Variants in KCNK1 observed in about 807,000 individuals in gnomAD.
KCNK1 encodes the protein potassium channel subfamily K member 1.
A neutral mutation model predicts 22.2 loss-of-function variants in KCNK1; 10 were observed. The ratio of observed to expected loss-of-function variants is 0.45; its 90% CI spans 0.28 to 0.76. The LOEUF is 0.76. Ranked by LOEUF, KCNK1 falls within the 30% of genes least tolerant of loss-of-function variation. The probability of loss-of-function intolerance (pLI) is 0.14; values close to 1 mark genes in which losing one functional copy is unlikely to be tolerated. For missense variants in KCNK1, 378 were observed against 421.0 expected, an observed-to-expected ratio of 0.90 and a Z score of 0.89; for synonymous variants, 200 against 186.4, an observed-to-expected ratio of 1.07 and a Z score of -0.60.
At chr1:233,619,323 C>T (rs1657537930) in intron 1 of KCNK1, among the ~76,000 whole-genome samples, 1 of 152,100 alleles carries the variant, frequency 6.6e-6, no homozygotes, top group Admixed American at 6.5e-5. Context: ...TGCCTGGCCC[C>T]TGTTCCTGCC....
intron 1 of KCNK1, chr1:233,660,557 C>T (rs1658371962): frequency 6.6e-6 from 1 of 152,198 alleles, no homozygotes; most frequent in Non-Finnish European, 1.5e-5. Context: ...ATATGAAAGG[C>T]ATGTAGGTTA....
intron 1 of KCNK1, among the ~76,000 whole-genome samples, chr1:233,644,733 A>G (rs1658062005): frequency 6.6e-6 from 1 of 152,162 alleles, no homozygotes; most frequent in Admixed American, 6.5e-5. Flanking sequence ...AAGAGTAGAC[A>G]GAAGGCCCTT....
At chr1:233,652,066 T>G (rs1275190465) in intron 1 of KCNK1, among the ~76,000 whole-genome samples, 1 of 152,088 alleles carries the variant, frequency 6.6e-6, no homozygotes, top group Non-Finnish European at 1.5e-5. Context: ...CACCATGAGT[T>G]AAAAGCAAAC....
chr1:233,663,266 G>A (rs1044391494), intron 1 of KCNK1, among the ~76,000 whole-genome samples: 3 of 152,170 alleles, frequency 2.0e-5, no homozygotes, highest in Admixed American at 6.5e-5. Flanking sequence ...AAGGATCTGC[G>A]TGGTGGTGAT....
At chr1:233,661,103 G>A (rs1658384580) in intron 1 of KCNK1, among the ~76,000 whole-genome samples, 1 of 152,184 alleles carries the variant, frequency 6.6e-6, no homozygotes, top group South Asian at 2.1e-4. Context: ...AGGTGTGGCT[G>A]TTTTTATTGA....
chr1:233,628,511 G>A (rs1449190645), intron 1 of KCNK1, among the ~76,000 whole-genome samples: 1 of 152,168 alleles, frequency 6.6e-6, no homozygotes, highest in Non-Finnish European at 1.5e-5. Flanking sequence ...TGGAATCCCA[G>A]TACTTTGGGA....
At chr1:233,669,451 T>C (rs996216314) in intron 2 of KCNK1, among the ~76,000 whole-genome samples, 2 of 152,214 alleles carry the variant, frequency 1.3e-5, no homozygotes, top group South Asian at 2.1e-4. Context: ...ATCTAACAAA[T>C]GAATATTCCA....
rs762047651 is a variant in KCNK1, at chr1:233,614,177, G to T, written c.6G>T (p.Leu2=). The part of the protein sequence containing the change: M[L]QSLAGSSCVR... ...TGGCGGCGGCGGTGGAGAAGATGCT[G>T]CAGTCCCTGGCCGGCAGCTCGTGCG... The change falls in exon 1 of 3, where the codon CTG becomes CTT. Residue 2 remains leucine (L), a synonymous_variant. Coordinates refer to ENST00000366621, the MANE Select transcript of KCNK1 (RefSeq NM_002245.4). 1 of 1,600,596 alleles carries T rather than the reference G, an allele frequency of 6.2e-7. No individual in the cohort carries two copies. The highest frequency in any genetic ancestry group is 1.1e-5 in the South Asian group (1 of 90,248).
intron 1 of KCNK1, among the ~76,000 whole-genome samples, chr1:233,648,176 T>G (rs963873892): frequency 6.6e-6 from 1 of 152,244 alleles, no homozygotes; most frequent in African/African-American, 2.4e-5. Flanking sequence ...TAAGATATAC[T>G]TGTAGTACTG....
Position 233,671,336 on chromosome 1 carries a change from C to G in KCNK1, c.817C>G (p.Leu273Val). The change falls in exon 3 of 3, where the codon CTG (leucine) becomes GTG (valine). Residue 273 changes from leucine (L) to valine (V), a missense_variant. Leu to Val is a conservative substitution (Grantham distance 32). Coordinates refer to ENST00000366621, the MANE Select transcript of KCNK1 (RefSeq NM_002245.4). The stretch of plus-strand genomic sequence containing the variant: ...GGAAACCTTCTGTGAACTCCATGAG[C>G]TGAAAAAATTCAGAAAAATGTTCTA... ...VLETFCELHE[L>V]KKFRKMFYVK... 1.2e-6 allele frequency: 2 copies of G among 1,614,090 alleles called. No individual in the cohort carries two copies. The highest frequency in any genetic ancestry group is 1.7e-6 in the Non-Finnish European group (2 of 1,179,994).
chr1:233,626,472 A>T (rs112547669), intron 1 of KCNK1, among the ~76,000 whole-genome samples: 1,527 of 152,254 alleles, frequency 0.01, 9 homozygotes, highest in Non-Finnish European at 0.016. Context: ...CTCGGAGTGT[A>T]GGTGACAGTG....
intron 1 of KCNK1, among the ~76,000 whole-genome samples, chr1:233,644,218 A>G (rs967740489): frequency 6.6e-6 from 1 of 152,176 alleles, no homozygotes; most frequent in African/African-American, 2.4e-5. Context: ...GCTTTAACCT[A>G]TTAATGAGGA....
intron 1 of KCNK1, chr1:233,631,440 A>G (rs142799008): frequency 3.6e-5 from 14 of 389,916 alleles, no homozygotes; most frequent in Admixed American, 1.7e-4. Flanking sequence ...CAAAAGCAGA[A>G]AATGTTCATT....
In KCNK1 at chr1:233,617,439, A is replaced by G. The variant is rs114525498; in HGVS notation, c.355+2913A>G. 5.6e-3 allele frequency among the ~76,000 whole-genome samples: 848 copies of G among 152,354 alleles called. 5 individuals are homozygous for G. Among genetic ancestry groups the G allele is most frequent in the Non-Finnish European group, 8.5e-3 (577 of 68,024 alleles). On this transcript the variant is annotated intron_variant, in intron 1 of 2. Coordinates refer to ENST00000366621, the MANE Select transcript of KCNK1 (RefSeq NM_002245.4). ...AAAGAAAAGATTTCTCACCCATCAT[A>G]AGGTTCATGGCCGGGGAACTTATAA... is the stretch of plus-strand genomic sequence containing the variant.
At chr1:233,648,513 ACT>A (rs1658142331) in intron 1 of KCNK1, among the ~76,000 whole-genome samples, 1 of 149,056 alleles carries the variant, frequency 6.7e-6, no homozygotes, top group Admixed American at 6.7e-5. Flanking sequence ...ATGGTCCCAA[ACT>A]CTCCGTGGGT....
chr1:233,648,280 T>C (rs1236003573), intron 1 of KCNK1, among the ~76,000 whole-genome samples: 1 of 152,180 alleles, frequency 6.6e-6, no homozygotes, highest in Non-Finnish European at 1.5e-5. Context: ...TGTCCATATT[T>C]CCAAGCCGCA....
intron 1 of KCNK1, among the ~76,000 whole-genome samples, chr1:233,664,854 A>G (rs116507522): frequency 0.024 from 3,633 of 152,350 alleles, 60 homozygotes; most frequent in Middle Eastern, 0.041. Context: ...CTACTTTTCA[A>G]TTATAATCAC....
At chr1:233,631,925 G>A (rs548145089) in intron 1 of KCNK1, among the ~76,000 whole-genome samples, 9 of 152,228 alleles carry the variant, frequency 5.9e-5, no homozygotes, top group South Asian at 2.1e-4. Context: ...TCTTTGGCTC[G>A]AACAGAGGGA....
chr1:233,668,736 G>A (rs1212325084), intron 2 of KCNK1, among the ~76,000 whole-genome samples: 1 of 151,986 alleles, frequency 6.6e-6, no homozygotes, highest in African/African-American at 2.4e-5. Flanking sequence ...CTCCCAAATA[G>A]CTGGGATTAT....
Sources: allele counts gnomAD v4.1 joint callset (sites outside exome capture counted in the v4.1 genomes callset), GRCh38; gene constraint gnomAD v4.1.1; transcripts MANE v1.5; gene names NCBI Gene and HGNC (gene_info 2026-07-23, HGNC 2026-07-21).